PCDHA8: variants seen among roughly 807,000 people sequenced by gnomAD.
PCDHA8 encodes the protein protocadherin alpha 8, also known as protocadherin alpha-8.
PCDHA8 carries 53 observed loss-of-function variants against 61.8 expected under a neutral mutation model. The observed-to-expected ratio is 0.86, with a 90% CI of 0.69 to 1.08. PCDHA8 has a LOEUF of 1.08. PCDHA8 is among the 50% of genes least tolerant of loss of function. PCDHA8 has a pLI of 0.00. For missense variants in PCDHA8, 1,293 were observed against 1,245.0 expected (o/e 1.04, Z -0.58); for synonymous variants, 618 against 556.6 (o/e 1.11, Z -1.55).
chr5:140,857,949 G>A (rs1554150927), intron 1 of PCDHA8: 3 of 1,597,424 alleles, frequency 1.9e-6, no homozygotes, highest in Non-Finnish European at 2.6e-6. Flanking sequence ...AGTACGACGC[G>A]CGCTCTGGAT....
chr5:140,894,197 A>C (rs1378272032), intron 1 of PCDHA8, among the ~76,000 whole-genome samples: 1 of 152,008 alleles, frequency 6.6e-6, no homozygotes, highest in Non-Finnish European at 1.5e-5. Context: ...TATTTTTTCT[A>C]TGCTATTATA....
intron 1 of PCDHA8, among the ~76,000 whole-genome samples, chr5:140,922,817 G>A (rs1554200973): frequency 1.3e-5 from 2 of 152,218 alleles, no homozygotes; most frequent in Non-Finnish European, 2.9e-5. Context: ...AGGAGATACA[G>A]CATACTGCTA....
At chr5:140,913,966 A>C (rs2076538227) in intron 1 of PCDHA8, among the ~76,000 whole-genome samples, 1 of 152,156 alleles carries the variant, frequency 6.6e-6, no homozygotes, top group Non-Finnish European at 1.5e-5. Context: ...TTTTTAAAAA[A>C]ATATTTTAGG....
chr5:140,937,521 G>A (rs1244752316), intron 1 of PCDHA8, among the ~76,000 whole-genome samples: 1 of 152,106 alleles, frequency 6.6e-6, no homozygotes, highest in Non-Finnish European at 1.5e-5. Context: ...GGAGGCTGAG[G>A]CAGGAGAATT....
chr5:140,908,490 G>A (rs149646315), intron 1 of PCDHA8, among the ~76,000 whole-genome samples: 2 of 152,140 alleles, frequency 1.3e-5, no homozygotes, highest in Admixed American at 6.5e-5. Context: ...GGCAGTTCAG[G>A]TTGCTTGGTG....
chr5:140,896,594 C>G (rs1583238277), intron 1 of PCDHA8, among the ~76,000 whole-genome samples: 1 of 150,950 alleles, frequency 6.6e-6, no homozygotes, highest in Non-Finnish European at 1.5e-5. Flanking sequence ...CCAGGCTGGT[C>G]TCGAACTCCT....
At chr5:140,966,767 A>T in intron 1 of PCDHA8, 1 of 1,484,362 alleles carries the variant, frequency 6.7e-7, no homozygotes, top group South Asian at 1.3e-5. Context: ...GCCAGTGGCT[A>T]TGGAGCAGGC....
At chr5:140,914,997 G>A (rs548148626) in intron 1 of PCDHA8, among the ~76,000 whole-genome samples, 43 of 148,264 alleles carry the variant, frequency 2.9e-4, no homozygotes, top group African/African-American at 1.0e-3. Flanking sequence ...CCAGGCTGGA[G>A]TGCAGTGGCC....
At chr5:140,951,276 T>C (rs1554219829) in intron 1 of PCDHA8, among the ~76,000 whole-genome samples, 1 of 152,200 alleles carries the variant, frequency 6.6e-6, no homozygotes, top group African/African-American at 2.4e-5. Context: ...CTATGTTAGG[T>C]AATTTTGGAT....
intron 1 of PCDHA8, chr5:140,852,917 T>A: frequency 1.3e-6 from 1 of 767,560 alleles, no homozygotes; most frequent in Non-Finnish European, 1.6e-6. Context: ...CTCGCTCTGT[T>A]GCCCAGGCTG....
chr5:140,857,186 G>A lies in PCDHA8; in HGVS notation c.2394+13471G>A, dbSNP rs782390373. On this transcript the variant is annotated intron_variant, in intron 1 of 3. Coordinates refer to ENST00000531613, the MANE Select transcript of PCDHA8 (RefSeq NM_018911.3). ...CAGCGTTTCTGACCATGATTCAGGA[G>A]CCAACGGACAGGTCACCTGCTCTCT... 5.0e-6 allele frequency: 8 copies of A among 1,598,548 alleles called. No individual in the cohort carries two copies. In the East Asian group the frequency reaches 1.8e-4, roughly 36 times the overall value.
chr5:140,877,433 A>G, intron 1 of PCDHA8: 8 of 1,613,774 alleles, frequency 5.0e-6, no homozygotes, highest in Non-Finnish European at 6.8e-6. Context: ...GTGAAGGACC[A>G]CGGTGAGCCC....
At chr5:140,875,842 A>G (rs782682417) in intron 1 of PCDHA8, 1 of 1,614,146 alleles carries the variant, frequency 6.2e-7, no homozygotes, top group Non-Finnish European at 8.5e-7. Context: ...CGTGGAGGTG[A>G]AGGACATTAA....
At chr5:140,975,523 A>T (rs1275717294) in intron 1 of PCDHA8, among the ~76,000 whole-genome samples, 1 of 152,196 alleles carries the variant, frequency 6.6e-6, no homozygotes, top group African/African-American at 2.4e-5. Flanking sequence ...TCTGCAGTGG[A>T]TATATTCTTA....
intron 1 of PCDHA8, chr5:140,969,002 T>C (rs201544118): frequency 8.1e-6 from 13 of 1,614,214 alleles, no homozygotes; most frequent in Non-Finnish European, 1.1e-5. Context: ...TGGAGGCTTC[T>C]GTGGAGTAAG....
chr5:140,967,079 A>G (rs2096093467), intron 1 of PCDHA8: 10 of 1,613,252 alleles, frequency 6.2e-6, no homozygotes, highest in Non-Finnish European at 8.5e-6. Flanking sequence ...CAACGAGCGC[A>G]TTGATCGGGA....
chr5:140,858,664 A>C lies in PCDHA8; in HGVS notation c.2394+14949A>C, dbSNP rs972477672. ...TGGTACTTAAATTTTTTTAAATAAC[A>C]ATTTATTCTGAATACACTAATATTT... On this transcript the variant is annotated intron_variant, in intron 1 of 3. Transcript: ENST00000531613. 30 of 728,612 alleles carry C rather than the reference A, an allele frequency of 4.1e-5. No homozygotes were observed. In the African/African-American group the frequency reaches 4.8e-4, roughly 12 times the overall value. 45.1% of individuals were successfully genotyped at this position (728,612 alleles called of 1,614,324 possible).
chr5:141,009,878 A>G lies in PCDHA8; in HGVS notation c.2794A>G (p.Asn932Asp). Residue 932 changes from asparagine to aspartate, a missense_variant, in exon 4 of 4, where the codon AAC (asparagine) becomes GAC (aspartate). Coordinates refer to ENST00000531613, the MANE Select transcript of PCDHA8 (RefSeq NM_018911.3). ...TKKKKKKKKG[N>D]KTQEKKEKGN... ...GAAAAAGAAGAAAAAGAAGAAGGGT[A>G]ACAAGACCCAGGAGAAAAAAGAGAA... is the stretch of plus-strand genomic sequence containing the variant. 4 of 1,613,898 alleles carry G rather than the reference A, an allele frequency of 2.5e-6. No homozygotes were observed. Among genetic ancestry groups the G allele is most frequent in the South Asian group, 1.1e-5 (1 of 91,050 alleles).
At chr5:140,999,845 T>G (rs1293721817) in intron 3 of PCDHA8, among the ~76,000 whole-genome samples, 1 of 152,188 alleles carries the variant, frequency 6.6e-6, no homozygotes, top group Non-Finnish European at 1.5e-5. Flanking sequence ...CAAGTGTATT[T>G]ATCTCTTCCG....
Sources: allele counts gnomAD v4.1 joint callset (sites outside exome capture counted in the v4.1 genomes callset), GRCh38; gene constraint gnomAD v4.1.1; transcripts MANE v1.5; gene names NCBI Gene and HGNC (gene_info 2026-07-23, HGNC 2026-07-21).